The following NBEAL2 variants were observed in gnomAD, a reference collection of about 807,000 sequenced individuals.
NBEAL2 encodes the protein neurobeachin-like protein 2.
In NBEAL2, 160 loss-of-function variants were observed where a neutral mutation model predicts 299.8. That is an observed-to-expected ratio of 0.53 (90% CI 0.47 to 0.61). The LOEUF (loss-of-function observed/expected upper bound fraction) is 0.61, where lower values mean the gene tolerates loss of function less well. NBEAL2 is among the 20% of genes least tolerant of loss of function. The pLI, the probability that NBEAL2 is intolerant of heterozygous loss-of-function variation, is 0.00. For missense variants in NBEAL2, 3,112 were observed against 3,649.0 expected, an observed-to-expected ratio of 0.85 and a Z score of 3.79; for synonymous variants, 1,493 against 1,542.3, an observed-to-expected ratio of 0.97 and a Z score of 0.75.
rs1226762829 is a variant in NBEAL2, at chr3:47,001,199, G to C, written c.4484+20G>C. 1 of 1,604,626 alleles carries C rather than the reference G, an allele frequency of 6.2e-7. No individual in the cohort carries two copies. The highest frequency in any genetic ancestry group is 8.5e-7 in the Non-Finnish European group (1 of 1,173,198). Reference sequence around the variant, plus strand: ...GCGCAGGTGAGAGGGAAAGTCTGGAGGGGGAGGGGCTTCAGGAAGCCTCGG... The same window carrying C: ...GCGCAGGTGAGAGGGAAAGTCTGGACGGGGAGGGGCTTCAGGAAGCCTCGG... On this transcript the variant is annotated intron_variant, in intron 28 of 53. Transcript: ENST00000450053. This position sits in a 1 kb window ranked among gnomAD's most constrained non-coding sequence, Gnocchi z 6.1.
intron 52 of NBEAL2, 75 bp from the exon 53 acceptor site, chr3:47,008,914 T>C: frequency 6.4e-7 from 1 of 1,573,368 alleles, no homozygotes; most frequent in East Asian, 2.2e-5. Context: ...AGAGGGTATA[T>C]GGGATAAGGG....
chr3:46,996,718 A>AG, intron 16 of NBEAL2, 33 bp from the exon 17 acceptor site: 1 of 1,602,486 alleles, frequency 6.2e-7, no homozygotes, highest in East Asian at 2.2e-5. Flanking sequence ...CCAGAGGCCT[A>AG]GCAAGGTCTG....
Position 47,004,347 on chromosome 3 carries a change from G to A in NBEAL2, c.6152G>A (p.Ser2051Asn), listed in dbSNP as rs779786842. Residue 2051 changes from serine (S) to asparagine (N), a missense_variant, in exon 37 of 54, where the codon AGC (serine) becomes AAC (asparagine). Ser to Asn is a conservative substitution (Grantham distance 46). Coordinates refer to ENST00000450053, the MANE Select transcript of NBEAL2 (RefSeq NM_015175.3). The surrounding 1 kb of genome is among the most constrained non-coding windows in gnomAD (Gnocchi z 5.0). Reference protein sequence around the residue: ...RLRPPSQGYLSSRSPQEMLRA... With the variant: ...RLRPPSQGYLNSRSPQEMLRA... ...CGGCCCCCCTCTCAAGGCTACCTAA[G>A]CAGCCGCTCCCCCCAGGAGATGCTG... 26 of 1,605,662 alleles carry A rather than the reference G, an allele frequency of 1.6e-5. No homozygotes were observed. The highest frequency in any genetic ancestry group is 2.1e-5 in the Non-Finnish European group (25 of 1,175,186).
Position 46,991,983 on chromosome 3 carries a change from G to A in NBEAL2, c.1032+37G>A, listed in dbSNP as rs531059340. 7.7e-5 allele frequency: 119 copies of A among 1,541,372 alleles called. 2 individuals are homozygous for A. In the South Asian group the frequency reaches 1.3e-3, roughly 17 times the overall value. ...CCAGCCTGGGGGTGAGGGTCTGGAA[G>A]CCAGAGGCTAGGGGAGCCACGCATA... On this transcript the variant is annotated intron_variant, in intron 9 of 53. Coordinates refer to ENST00000450053, the MANE Select transcript of NBEAL2 (RefSeq NM_015175.3). This position sits in a 1 kb window ranked among gnomAD's most constrained non-coding sequence, Gnocchi z 6.2.
chr3:46,991,678 C>T lies in NBEAL2; in HGVS notation c.915C>T (p.Val305=), dbSNP rs962118634. 1 of 1,596,758 alleles carries T rather than the reference C, an allele frequency of 6.3e-7. No homozygotes were observed. Among genetic ancestry groups the T allele is most frequent in the Non-Finnish European group, 8.5e-7 (1 of 1,177,920 alleles). The change falls in exon 8 of 54, where the codon GTC becomes GTT. Residue 305 remains valine (V), a synonymous_variant. Transcript: ENST00000450053. The surrounding 1 kb of genome is among the most constrained non-coding windows in gnomAD (Gnocchi z 6.2). ...AAGAGGCCCTTGTCACCCTCCGGGT[C>T]AGCATGCTCGGTGGGTATGGGCTCC... ...GPEEALVTLR[V]SMLDAIPMML...
In NBEAL2 at chr3:47,000,458, G is replaced by A. The variant is rs1397387163; in HGVS notation, c.4305+54G>A. ...ATGGTACCCAAGGGAGGACACTTCT[G>A]GTACACAGGGCTGGCAGTGTAGCCT... On this transcript the variant is annotated intron_variant, in intron 27 of 53. Transcript: ENST00000450053. The surrounding 1 kb of genome is among the most constrained non-coding windows in gnomAD (Gnocchi z 4.5). 18 of 1,532,376 alleles carry A rather than the reference G, an allele frequency of 1.2e-5. No individual in the cohort carries two copies. In the East Asian group the frequency reaches 4.1e-4, roughly 35 times the overall value. The allele number at this position is 1,532,376 out of a possible 1,614,324, so 94.9% of individuals were successfully genotyped here. A position where few individuals can be genotyped will look rare whatever the true frequency, so the allele number is the denominator to read the frequency against.
At position 47,007,126 on chromosome 3, in the gene NBEAL2, T is replaced by C; in HGVS notation, c.7195T>C (p.Phe2399Leu). ...GGTCCCCCACCGGCAGCCCCACTCC[T>C]TCATCACCCAGGGTTCCCCAGACCT... The part of the protein sequence containing the change: ...ALVPHRQPHS[F>L]ITQGSPDLLV... Residue 2399 changes from phenylalanine to leucine, a missense_variant, in exon 46 of 54, where the codon TTC (phenylalanine) becomes CTC (leucine). By Grantham distance (22) the Phe-to-Leu change is conservative. This residue lies in a region of NBEAL2 where 521 missense variants were observed against 729.6 expected (regional missense o/e 0.71). Transcript: ENST00000450053. The C allele has an allele frequency of 1.2e-6, 2 of 1,613,700 alleles. No homozygotes were observed. The highest frequency in any genetic ancestry group is 1.7e-6 in the Non-Finnish European group (2 of 1,179,786).
Position 46,991,390 on chromosome 3 carries a change from C to A in NBEAL2, c.643-16C>A. ...TGAGCCCCTTGCCCACTGCCCATCT[C>A]TGTCCACACCTGCAGGAGAACGGGC... On this transcript the variant is annotated splice_polypyrimidine_tract_variant and intron_variant, in intron 7 of 53. Transcript: ENST00000450053. This position sits in a 1 kb window ranked among gnomAD's most constrained non-coding sequence, Gnocchi z 6.2. 1 of 1,593,866 alleles carries A rather than the reference C, an allele frequency of 6.3e-7. No individual in the cohort carries two copies.
At chr3:46,997,726 G>A in intron 20 of NBEAL2, 32 bp downstream of exon 20, 1 of 1,465,450 alleles carries the variant, frequency 6.8e-7, no homozygotes, top group Non-Finnish European at 9.0e-7. Context: ...ATGGGGGTTA[G>A]GGGTATGGTC....
chr3:46,989,239 C>G lies in NBEAL2; in HGVS notation c.352-21C>G. 1 of 1,612,158 alleles carries G rather than the reference C, an allele frequency of 6.2e-7. No individual in the cohort carries two copies. Among genetic ancestry groups the G allele is most frequent in the Non-Finnish European group, 8.5e-7 (1 of 1,179,066 alleles). ...AGGCGGTAGCCATGGCGGGGCTAAC[C>G]CTCTCTCCCCACACCTACAGCTGAA... On this transcript the variant is annotated intron_variant, in intron 4 of 53. Transcript: ENST00000450053. This position sits in a 1 kb window ranked among gnomAD's most constrained non-coding sequence, Gnocchi z 5.5.
rs927901321 is a variant in NBEAL2 at position 47,009,670 on chromosome 3, C to T, written c.*350C>T. 3.1e-6 allele frequency: 1 copy of T among 319,794 alleles called. No individual in the cohort carries two copies. Among genetic ancestry groups the T allele is most frequent in the Non-Finnish European group, 5.8e-6 (1 of 171,586 alleles). The allele number at this position is 319,794 out of a possible 1,614,324, so 19.8% of individuals were successfully genotyped here. A position where few individuals can be genotyped will look rare whatever the true frequency, so the allele number is the denominator to read the frequency against. The stretch of plus-strand genomic sequence containing the variant: ...TTCCTAACGGCGGCCCCGGTTCTCC[C>T]TTCTCGGCAATAAACCAGGCCTAGT... On this transcript the variant is annotated 3_prime_UTR_variant, in exon 54 of 54. Coordinates refer to ENST00000450053, the MANE Select transcript of NBEAL2 (RefSeq NM_015175.3).
Position 46,989,150 on chromosome 3 carries a change from C to G in NBEAL2, c.335C>G (p.Thr112Ser). Residue 112 changes from threonine to serine, a missense_variant, in exon 4 of 54, where the codon ACC (threonine) becomes AGC (serine). Physicochemically the swap from Thr to Ser is moderately conservative, Grantham distance 58 (BLOSUM62 1). Coordinates refer to ENST00000450053, the MANE Select transcript of NBEAL2 (RefSeq NM_015175.3). The surrounding 1 kb of genome is among the most constrained non-coding windows in gnomAD (Gnocchi z 5.5). ...GTGCCCCGAGTGCTGGCACTGTTGA[C>G]CAAGTTGGTGGCGGAGGTGAAGTGG... ...VLVPRVLALLTKLVAELKGCP... is the reference protein window; with the variant it reads ...VLVPRVLALLSKLVAELKGCP... 6.2e-7 allele frequency: 1 copy of G among 1,613,906 alleles called. No homozygotes were observed. Among genetic ancestry groups the G allele is most frequent in the Non-Finnish European group, 8.5e-7 (1 of 1,179,842 alleles).
chr3:47,007,490 C>T (rs770701514), intron 47 of NBEAL2, 35 bp from the exon 48 acceptor site: 5 of 1,592,670 alleles, frequency 3.1e-6, no homozygotes, highest in African/African-American at 1.3e-5. Context: ...TTCCATGTGG[C>T]CTGGCCTCAC....
In NBEAL2 at chr3:47,006,348, C is replaced by A; in HGVS notation, c.7033C>A (p.Arg2345=). The change falls in exon 45 of 54, where the codon CGG becomes AGG. Residue 2345 remains arginine, a synonymous_variant. Coordinates refer to ENST00000450053, the MANE Select transcript of NBEAL2 (RefSeq NM_015175.3). ...CQLLKEPHPT[R]LSAEEAAHRL... ...TTACCCACAGGAGCCACATCCAACT[C>A]GGCTCTCAGCTGAGGAAGCAGCCCA... 1 of 1,596,888 alleles carries A rather than the reference C, an allele frequency of 6.3e-7. No homozygotes were observed. Among genetic ancestry groups the A allele is most frequent in the Non-Finnish European group, 8.5e-7 (1 of 1,171,954 alleles).
Position 46,998,094 on chromosome 3 carries a change from G to A in NBEAL2, c.2986G>A (p.Val996Met), listed in dbSNP as rs200428884. The change falls in exon 21 of 54, where the codon GTG (valine) becomes ATG (methionine). Residue 996 changes from valine (V) to methionine (M), a missense_variant. Physicochemically the swap from Val to Met is conservative, Grantham distance 21. Coordinates refer to ENST00000450053, the MANE Select transcript of NBEAL2 (RefSeq NM_015175.3). Reference sequence around the variant, plus strand: ...CCCAAGCTGGGCCATGGACATGAACGTGCTCATGTCCGCCCAGCTGCTGAT... The same window carrying A: ...CCCAAGCTGGGCCATGGACATGAACATGCTCATGTCCGCCCAGCTGCTGAT... ...KVPSWAMDMN[V>M]LMSAQLLMEQ... 2.1e-5 allele frequency: 33 copies of A among 1,577,326 alleles called. No individual in the cohort carries two copies. Among genetic ancestry groups the A allele is most frequent in the Admixed American group, 5.5e-5 (3 of 54,624 alleles).
chr3:46,997,963 T>C, intron 20 of NBEAL2, 104 bp from the exon 21 acceptor site: 1 of 1,364,078 alleles, frequency 7.3e-7, no homozygotes, highest in Non-Finnish European at 9.8e-7. Context: ...CTGGTGGCCA[T>C]GTTTGTGGCC....
rs1166319038 is a variant in NBEAL2, at chr3:46,996,042, C to G, written c.2142C>G (p.Ser714=). The change falls in exon 15 of 54, where the codon TCC becomes TCG. Residue 714 remains serine (S), a synonymous_variant. Transcript: ENST00000450053. Reference sequence around the variant, plus strand: ...AGACAGCACCCCTTCGCTGCCCCTCCCTCAGTGAGGTGTGCCAAGCAAGGT... The same window carrying G: ...AGACAGCACCCCTTCGCTGCCCCTCGCTCAGTGAGGTGTGCCAAGCAAGGT... ...LVKTAPLRCP[S]LSEPFSSCCI... is the part of the protein sequence containing the mutation. 1 of 1,606,154 alleles carries G rather than the reference C, an allele frequency of 6.2e-7. No homozygotes were observed. Among genetic ancestry groups the G allele is most frequent in the Admixed American group, 1.7e-5 (1 of 59,018 alleles).
chr3:47,006,370 C>A lies in NBEAL2; in HGVS notation c.7055C>A (p.Ala2352Asp). 1 of 1,596,532 alleles carries A rather than the reference C, an allele frequency of 6.3e-7. No individual in the cohort carries two copies. The highest frequency in any genetic ancestry group is 8.5e-7 in the Non-Finnish European group (1 of 1,171,710). ...HPTRLSAEEA[A>D]HRLARLDTNS... ...ACTCGGCTCTCAGCTGAGGAAGCAG[C>A]CCATCGCCTTGCACGCCTGGACACT... Residue 2352 changes from alanine to aspartate, a missense_variant, in exon 45 of 54, where the codon GCC becomes GAC. Around this residue, in one of 3 missense-constraint regions of NBEAL2, gnomAD observed 521 missense variants for 729.6 expected, o/e 0.71. Transcript: ENST00000450053.
chr3:47,004,774 C>G lies in NBEAL2; in HGVS notation c.6294+184C>G, dbSNP rs986548912. ...AGGTCCCCAGCCTCACTCCCTTCCC[C>G]TCCCTGCCTAGCCTCTATTCCTCAA... On this transcript the variant is annotated intron_variant, in intron 38 of 53. Transcript: ENST00000450053. The surrounding 1 kb of genome is among the most constrained non-coding windows in gnomAD (Gnocchi z 5.0). 4.9e-6 allele frequency: 5 copies of G among 1,018,672 alleles called. No individual in the cohort carries two copies. Among genetic ancestry groups the G allele is most frequent in the Non-Finnish European group, 7.3e-6 (5 of 689,386 alleles). The allele number at this position is 1,018,672 out of a possible 1,614,324, so 63.1% of individuals were successfully genotyped here.
Sources: allele counts gnomAD v4.1 joint callset, GRCh38; gene constraint gnomAD v4.1.1; regional missense constraint gnomAD v4.1.1; non-coding constraint Gnocchi (gnomAD v3.1); transcripts MANE v1.5; gene names NCBI Gene and HGNC (gene_info 2026-07-23, HGNC 2026-07-21).